SEC14L4: variants seen among roughly 807,000 people sequenced by gnomAD.
The protein encoded by SEC14L4 is SEC14 like lipid binding 4.
SEC14L4 carries 42 observed loss-of-function variants against 55.1 expected under a neutral mutation model. The observed-to-expected ratio is 0.76, with a 90% CI of 0.60 to 0.99. The LOEUF is 0.99. SEC14L4 is among the 50% of genes least tolerant of loss of function. The pLI, the probability that SEC14L4 is intolerant of heterozygous loss-of-function variation, is 0.00. For synonymous variants in SEC14L4, 206 were observed against 206.8 expected, an observed-to-expected ratio of 1.00 and a Z score of 0.03; for missense variants, 445 against 512.1, an observed-to-expected ratio of 0.87 and a Z score of 1.27.
intron 11 of SEC14L4, among the ~76,000 whole-genome samples, chr22:30,491,153 G>T (rs1271554095): frequency 6.6e-6 from 1 of 152,216 alleles, no homozygotes; most frequent in East Asian, 1.9e-4. Context: ...TTCTGGTAAA[G>T]CTGACTGAGC....
In SEC14L4 at chr22:30,495,383, C is replaced by T; in HGVS notation, c.294G>A (p.Val98=). 6.2e-7 allele frequency: 1 copy of T among 1,614,104 alleles called. No homozygotes were observed. The highest frequency in any genetic ancestry group is 1.1e-5 in the South Asian group (1 of 91,072). The part of the protein sequence containing the change: ...LCGYDYEGCP[V]YFNIIGSLDP... ...CGAGGGACCCAATGATGTTGAAGTA[C>T]ACAGGGCAGCCTTCGTAGTCGTAGC... is the stretch of plus-strand genomic sequence containing the variant. The change falls in exon 5 of 12, where the codon GTG becomes GTA. Residue 98 remains valine, a synonymous_variant. Coordinates refer to ENST00000255858, the MANE Select transcript of SEC14L4 (RefSeq NM_174977.4).
chr22:30,495,185 T>A lies in SEC14L4; in HGVS notation c.423+69A>T, dbSNP rs1332473727. On this transcript the variant is annotated intron_variant, in intron 5 of 11. Coordinates refer to ENST00000255858, the MANE Select transcript of SEC14L4 (RefSeq NM_174977.4). ...TGCTGAGGGCTGGGGAGGGGCAGGGTGCCACCCTTCTCTGGTCCTGGTGCC... is the reference window on the plus strand; with the variant it reads ...TGCTGAGGGCTGGGGAGGGGCAGGGAGCCACCCTTCTCTGGTCCTGGTGCC... The A allele has an allele frequency of 3.5e-6, 5 of 1,419,936 alleles. No homozygotes were observed. The Admixed American group carries it at 1.1e-4, about 32-fold the overall frequency. 88.0% of individuals were successfully genotyped at this position (1,419,936 alleles called of 1,614,324 possible). A position where few individuals can be genotyped will look rare whatever the true frequency, so the allele number is the denominator to read the frequency against.
chr22:30,497,037 C>T (rs1175583957), intron 2 of SEC14L4, among the ~76,000 whole-genome samples: 1 of 152,098 alleles, frequency 6.6e-6, no homozygotes, highest in African/African-American at 2.4e-5. Context: ...GATCATGAAA[C>T]AGTTCCAGAA....
In SEC14L4 at chr22:30,502,073, C is replaced by T. The variant is rs1358758016; in HGVS notation, c.130+1604G>A. Among the ~76,000 whole-genome samples, 7 of 151,640 alleles carry T rather than the reference C, an allele frequency of 4.6e-5. No individual in the cohort carries two copies. In the East Asian group the frequency reaches 9.7e-4, roughly 21 times the overall value. On this transcript the variant is annotated intron_variant, in intron 2 of 11. Coordinates refer to ENST00000255858, the MANE Select transcript of SEC14L4 (RefSeq NM_174977.4). ...TAGAAATGGGGTTTCACTATGTTGG[C>T]CAGGCTGGTCTCGAACTCCTGGCCT... is the stretch of plus-strand genomic sequence containing the variant.
intron 2 of SEC14L4, among the ~76,000 whole-genome samples, chr22:30,499,514 G>A (rs1309099320): frequency 1.3e-5 from 2 of 151,242 alleles, no homozygotes; most frequent in Non-Finnish European, 2.9e-5. Flanking sequence ...AAGGCAGGCA[G>A]ATCACTTGAG....
Position 30,492,091 on chromosome 22 carries a change from C to A in SEC14L4, c.729G>T (p.Gly243=), listed in dbSNP as rs1300635026. 6.2e-7 allele frequency: 1 copy of A among 1,613,820 alleles called. No individual in the cohort carries two copies. The highest frequency in any genetic ancestry group is 1.7e-5 in the Admixed American group (1 of 59,990). ...GGTTGCCATCGGGGTCAGTCATGGT[C>A]CCCCCAAACTCCACAGGCAGCTGGT... ...SPDQLPVEFG[G]TMTDPDGNPK... is the part of the protein sequence containing the mutation. The change falls in exon 9 of 12, where the codon GGG becomes GGT. Residue 243 remains glycine, a synonymous_variant. Transcript: ENST00000255858.
At chr22:30,505,455 G>A in intron 1 of SEC14L4, 103 bp downstream of exon 1, 1 of 1,224,226 alleles carries the variant, frequency 8.2e-7, no homozygotes, top group South Asian at 1.3e-5. Context: ...GCTCTCTCCA[G>A]GCTCGGTGTT....
chr22:30,501,620 T>G (rs1232389086), intron 2 of SEC14L4, among the ~76,000 whole-genome samples: 1 of 151,822 alleles, frequency 6.6e-6, no homozygotes, highest in Non-Finnish European at 1.5e-5. Flanking sequence ...AAGAGAAAAA[T>G]GAAGGAAATC....
intron 2 of SEC14L4, among the ~76,000 whole-genome samples, chr22:30,500,161 C>T (rs559291038): frequency 5.9e-5 from 9 of 152,076 alleles, no homozygotes; most frequent in African/African-American, 1.2e-4. Context: ...TGAGCCACCG[C>T]GCCCGGCCAA....
intron 2 of SEC14L4, among the ~76,000 whole-genome samples, chr22:30,501,216 C>G (rs917625068): frequency 1.3e-5 from 2 of 152,080 alleles, no homozygotes; most frequent in Admixed American, 6.5e-5. Flanking sequence ...GCGGAGCTGA[C>G]GCTGAAGTGG....
chr22:30,500,016 C>T (rs1396225603), intron 2 of SEC14L4, among the ~76,000 whole-genome samples: 1 of 151,584 alleles, frequency 6.6e-6, no homozygotes, highest in Non-Finnish European at 1.5e-5. Context: ...ATTGCAGTTG[C>T]CCACCACCAT....
intron 7 of SEC14L4, among the ~76,000 whole-genome samples, chr22:30,493,033 A>G (rs978170952): frequency 6.6e-6 from 1 of 150,602 alleles, no homozygotes; most frequent in Non-Finnish European, 1.5e-5. Flanking sequence ...GCAGTGAGCC[A>G]AGATCACGCC....
chr22:30,501,124 C>T (rs779994088), intron 2 of SEC14L4, among the ~76,000 whole-genome samples: 3 of 152,080 alleles, frequency 2.0e-5, no homozygotes, highest in Admixed American at 6.6e-5. Context: ...GCATGAGGCC[C>T]GGGAGAGGGT....
chr22:30,491,789 G>A, intron 10 of SEC14L4, 45 bp downstream of exon 10: 1 of 1,612,212 alleles, frequency 6.2e-7, no homozygotes, highest in Non-Finnish European at 8.5e-7. Context: ...TGGGCTCCAG[G>A]CCCCTCCCAG....
intron 2 of SEC14L4, among the ~76,000 whole-genome samples, chr22:30,499,875 T>G (rs1199393521): frequency 1.5e-5 from 2 of 129,684 alleles, no homozygotes; most frequent in East Asian, 2.0e-4. Context: ...AAATTAACTG[T>G]TTTTTTTTTT....
intron 2 of SEC14L4, among the ~76,000 whole-genome samples, chr22:30,500,811 G>C (rs1936296822): frequency 7.2e-6 from 1 of 138,814 alleles, no homozygotes; most frequent in South Asian, 2.3e-4. Flanking sequence ...GCCAGGCTGA[G>C]GGGACCAGGG....
At chr22:30,494,667 G>A (rs535436533) in intron 6 of SEC14L4, among the ~76,000 whole-genome samples, 199 bp downstream of exon 6, 6 of 152,118 alleles carry the variant, frequency 3.9e-5, no homozygotes, top group South Asian at 2.1e-4. Context: ...GAGCCACCAC[G>A]CCTGGCCTCT....
intron 5 of SEC14L4, 22 bp downstream of exon 5, chr22:30,495,232 C>G: frequency 6.3e-7 from 1 of 1,579,194 alleles, no homozygotes; most frequent in Non-Finnish European, 8.6e-7. Context: ...AGATGAGGCC[C>G]AGCCCCACCC....
At chr22:30,500,754 ATTT>A (rs531954470) in intron 2 of SEC14L4, among the ~76,000 whole-genome samples, 12 of 79,508 alleles carry the variant, frequency 1.5e-4, no homozygotes, top group African/African-American at 5.2e-4. Flanking sequence ...TGAGAACAGA[ATTT>A]TTTTTTTTTT....
Sources: gnomAD v4.1 joint callset for allele counts (sites outside exome capture counted in the v4.1 genomes callset) on GRCh38, gnomAD v4.1.1 for gene constraint, MANE v1.5 for transcripts, NCBI Gene and HGNC (gene_info 2026-07-23, HGNC 2026-07-21) for gene names.